Variants in EFCAB14 observed in about 807,000 individuals in gnomAD.
EFCAB14 encodes the protein EF-hand calcium-binding domain-containing protein 14.
EFCAB14 carries 43 observed loss-of-function variants against 56.5 expected under a neutral mutation model. That is an observed-to-expected ratio of 0.76 (90% CI 0.60 to 0.98). The LOEUF is 0.98. Among genes scored for constraint, EFCAB14 ranks in the 50% least tolerant of loss-of-function variants. The probability of loss-of-function intolerance (pLI) is 0.00; values close to 1 mark genes in which losing one functional copy is unlikely to be tolerated. For synonymous variants in EFCAB14, 235 were observed against 212.9 expected, an observed-to-expected ratio of 1.10 and a Z score of -0.90; for missense variants, 538 against 580.3, an observed-to-expected ratio of 0.93 and a Z score of 0.75.
Position 46,707,980 on chromosome 1 carries a change from GT to G in EFCAB14, c.405del (p.Lys135AsnfsTer13). On this transcript the variant is annotated frameshift_variant, in exon 3 of 11. Coordinates refer to ENST00000371933, the MANE Select transcript of EFCAB14 (RefSeq NM_014774.3). LOFTEE classifies it high-confidence loss of function. Reference protein sequence around the residue: ...KLNEELLSKQKQLEKIESGEM... With the variant: ...KLNEELLSKQXQLEKIESGEM... ...TCTCCAGATTCAATCTTCTCAAGTT[GT>G]TTTTGCTTGCTGAGTAGTTCTTCAT... 6.2e-7 allele frequency: 1 copy of G among 1,612,870 alleles called. No homozygotes were observed.
intron 2 of EFCAB14, 47 bp downstream of exon 2, chr1:46,716,248 C>CAAAAAAA: frequency 2.8e-6 from 3 of 1,053,856 alleles, no homozygotes; most frequent in Admixed American, 4.0e-5. Flanking sequence ...GACCCTGTCT[C>CAAAAAAA]AAAAAAAAAA....
intron 4 of EFCAB14, among the ~76,000 whole-genome samples, chr1:46,693,369 G>A (rs1677028882): frequency 1.3e-5 from 2 of 152,150 alleles, no homozygotes; most frequent in South Asian, 2.1e-4. Flanking sequence ...AACACGAGAT[G>A]ACACTAATAA....
At chr1:46,701,071 T>C (rs1469248172) in intron 3 of EFCAB14, among the ~76,000 whole-genome samples, 1 of 152,090 alleles carries the variant, frequency 6.6e-6, no homozygotes, top group African/African-American at 2.4e-5. Context: ...GATTTCTGTA[T>C]GTGTTTTATA....
chr1:46,690,175 C>T (rs1461932790), intron 5 of EFCAB14, among the ~76,000 whole-genome samples: 2 of 152,208 alleles, frequency 1.3e-5, no homozygotes, highest in Non-Finnish European at 2.9e-5. Context: ...ATTAGTTTTT[C>T]CCTTATAGCA....
chr1:46,690,260 C>T (rs1002043448), intron 5 of EFCAB14, among the ~76,000 whole-genome samples: 3 of 152,114 alleles, frequency 2.0e-5, no homozygotes, highest in African/African-American at 7.2e-5. Context: ...AGTTTCTTTC[C>T]AGAGACTGAA....
At position 46,678,245 on chromosome 1, in the gene EFCAB14, G is replaced by T; in HGVS notation, c.*216C>A. ...AATTTTAAAATGTAAGATCTTACTG[G>T]TTGTAGGAAATCATAGATTTCTGAA... On this transcript the variant is annotated 3_prime_UTR_variant, in exon 11 of 11. Transcript: ENST00000371933. 2.3e-6 allele frequency: 1 copy of T among 426,218 alleles called. No individual in the cohort carries two copies. Among genetic ancestry groups the T allele is most frequent in the South Asian group, 4.9e-5 (1 of 20,296 alleles). The allele number at this position is 426,218 out of a possible 1,614,324, so 26.4% of individuals were successfully genotyped here.
intron 1 of EFCAB14, among the ~76,000 whole-genome samples, chr1:46,717,364 T>C (rs1677412496): frequency 6.6e-6 from 1 of 152,106 alleles, no homozygotes; most frequent in Non-Finnish European, 1.5e-5. Flanking sequence ...TACTACTTGA[T>C]TTGCCTAGTG....
At chr1:46,709,363 C>A (rs1486572170) in intron 2 of EFCAB14, among the ~76,000 whole-genome samples, 1 of 146,880 alleles carries the variant, frequency 6.8e-6, no homozygotes, top group African/African-American at 2.7e-5. Context: ...ATGCCCTTGG[C>A]TTGTCTCTTC....
At chr1:46,704,476 CAA>C (rs35092498) in intron 3 of EFCAB14, among the ~76,000 whole-genome samples, 106 of 73,980 alleles carry the variant, frequency 1.4e-3, no homozygotes, top group African/African-American at 4.9e-3. Flanking sequence ...GATTGTGTCT[CAA>C]AAAAAAAAAA....
At chr1:46,694,864 A>G (rs1677055531) in intron 4 of EFCAB14, among the ~76,000 whole-genome samples, 1 of 152,178 alleles carries the variant, frequency 6.6e-6, no homozygotes, top group African/African-American at 2.4e-5. Flanking sequence ...TTAAGAAAAC[A>G]TGGCAGATAT....
At position 46,696,600 on chromosome 1, in the gene EFCAB14, G is replaced by T; in HGVS notation, c.530C>A (p.Ser177Ter). Residue 177 changes from serine (S) to a stop codon, truncating the protein, a stop_gained, in exon 4 of 11, where the codon TCA becomes TAA. Transcript: ENST00000371933. LOFTEE classifies it high-confidence loss of function. ...AVNHLKANVK[S>*]AADLISLPTT... ...AGGCAGGCTAATCAAGTCTGCAGCT[G>T]ACTTAACATTGGCTTTGAGGTGGTT... 1 of 1,613,676 alleles carries T rather than the reference G, an allele frequency of 6.2e-7. No individual in the cohort carries two copies. The highest frequency in any genetic ancestry group is 8.5e-7 in the Non-Finnish European group (1 of 1,179,724).
At chr1:46,717,428 G>A (rs923831370) in intron 1 of EFCAB14, among the ~76,000 whole-genome samples, 1 of 151,844 alleles carries the variant, frequency 6.6e-6, no homozygotes, top group African/African-American at 2.4e-5. Context: ...TTTGCCCCCC[G>A]ACCCCACCTA....
intron 2 of EFCAB14, among the ~76,000 whole-genome samples, chr1:46,715,277 G>A (rs564255886): frequency 1.3e-5 from 2 of 152,296 alleles, no homozygotes; most frequent in East Asian, 1.9e-4. Flanking sequence ...AGGCCACCAG[G>A]AACAGTGGTG....
chr1:46,708,541 C>T (rs778028551), intron 2 of EFCAB14, among the ~76,000 whole-genome samples: 2 of 152,190 alleles, frequency 1.3e-5, no homozygotes, highest in Non-Finnish European at 2.9e-5. Context: ...TATAAATCTA[C>T]TCCATTAATG....
chr1:46,681,032 A>G (rs2148837067), intron 10 of EFCAB14, among the ~76,000 whole-genome samples: 1 of 151,552 alleles, frequency 6.6e-6, no homozygotes, highest in East Asian at 1.9e-4. Flanking sequence ...GTGCAGTGGC[A>G]TGATCACAGC....
At position 46,675,165 on chromosome 1, in the gene EFCAB14, G is replaced by GA. The variant is rs1309433185; in HGVS notation, c.*3295dup. 1 of 152,162 alleles carries GA rather than the reference G, an allele frequency of 6.6e-6. No individual in the cohort carries two copies. The highest frequency in any genetic ancestry group is 2.4e-5 in the African/African-American group (1 of 41,334). The allele number at this position is 152,162 out of a possible 1,614,324, so 9.4% of individuals were successfully genotyped here. ...GAGGCTTTAGTCAGACACATTGAGA[G>GA]AAAAAAGAAATTTTTTTATTTAGCT... is the stretch of plus-strand genomic sequence containing the variant. On this transcript the variant is annotated 3_prime_UTR_variant, in exon 11 of 11. Coordinates refer to ENST00000371933, the MANE Select transcript of EFCAB14 (RefSeq NM_014774.3).
intron 7 of EFCAB14, among the ~76,000 whole-genome samples, chr1:46,687,357 G>A (rs1015742252): frequency 1.3e-5 from 2 of 152,182 alleles, no homozygotes; most frequent in African/African-American, 2.4e-5. Context: ...AAAGGGCTTC[G>A]TAAAATAAAG....
intron 3 of EFCAB14, 66 bp downstream of exon 3, chr1:46,707,840 C>A: frequency 6.6e-7 from 1 of 1,507,302 alleles, no homozygotes; most frequent in Admixed American, 1.9e-5. Flanking sequence ...TTCTCTATAT[C>A]CTATTCATAC....
At position 46,708,918 on chromosome 1, in the gene EFCAB14, C is replaced by T. The variant is rs17102456; in HGVS notation, c.335-867G>A. On this transcript the variant is annotated intron_variant, in intron 2 of 10. Coordinates refer to ENST00000371933, the MANE Select transcript of EFCAB14 (RefSeq NM_014774.3). ...ATAGAAAATAAAATATTAATAATGG[C>T]TGGTCCTCCAGAATAAAACCTACAT... 6.1e-3 allele frequency among the ~76,000 whole-genome samples: 912 copies of T among 150,298 alleles called. 10 individuals carry two copies. Among genetic ancestry groups the T allele is most frequent in the East Asian group, 0.034 (169 of 5,018 alleles).
Sources: allele counts gnomAD v4.1 joint callset (sites outside exome capture counted in the v4.1 genomes callset), GRCh38; gene constraint gnomAD v4.1.1; transcripts MANE v1.5; gene names NCBI Gene and HGNC (gene_info 2026-07-23, HGNC 2026-07-21).